TGM5: variants seen among roughly 807,000 people sequenced by gnomAD.
TGM5 encodes the protein transglutaminase 5, also known as protein-glutamine gamma-glutamyltransferase 5.
TGM5 carries 69 observed loss-of-function variants against 77.2 expected under a neutral mutation model. The ratio of observed to expected loss-of-function variants is 0.89; its 90% CI spans 0.74 to 1.09. The LOEUF (loss-of-function observed/expected upper bound fraction) is 1.09. Among genes scored for constraint, TGM5 ranks in the 50% least tolerant of loss-of-function variants. The probability of loss-of-function intolerance (pLI) is 0.00; values close to 1 mark genes in which losing one functional copy is unlikely to be tolerated. For synonymous variants in TGM5, 346 were observed against 351.8 expected (o/e 0.98, Z 0.18); for missense variants, 842 against 896.5 (o/e 0.94, Z 0.78).
chr15:43,237,841 C>T (rs1566828546), intron 9 of TGM5, among the ~76,000 whole-genome samples: 1 of 152,258 alleles, frequency 6.6e-6, no homozygotes, highest in Non-Finnish European at 1.5e-5. Context: ...CACTTCCTTC[C>T]CTTCCCTGTC....
At chr15:43,250,531 G>A (rs2042696946) in intron 6 of TGM5, among the ~76,000 whole-genome samples, 1 of 152,138 alleles carries the variant, frequency 6.6e-6, no homozygotes, top group South Asian at 2.1e-4. Flanking sequence ...CACAAAGGAA[G>A]TCCCCAATAA....
intron 6 of TGM5, among the ~76,000 whole-genome samples, chr15:43,249,518 C>T (rs1329709123): frequency 6.6e-6 from 1 of 152,186 alleles, no homozygotes; most frequent in Admixed American, 6.5e-5. Context: ...TGAAATTATA[C>T]ACTATGTGGC....
chr15:43,250,278 C>T (rs941507242), intron 6 of TGM5, among the ~76,000 whole-genome samples: 2 of 152,184 alleles, frequency 1.3e-5, no homozygotes, highest in East Asian at 3.8e-4. Flanking sequence ...TCACTATAGC[C>T]AGGCACTATT....
At chr15:43,264,436 A>G (rs2042811413) in intron 1 of TGM5, among the ~76,000 whole-genome samples, 1 of 152,214 alleles carries the variant, frequency 6.6e-6, no homozygotes, top group African/African-American at 2.4e-5. Flanking sequence ...TCATCCAGCT[A>G]TAAAAAAAAA....
chr15:43,248,405 C>T (rs1169207886), intron 6 of TGM5, among the ~76,000 whole-genome samples: 5 of 152,172 alleles, frequency 3.3e-5, no homozygotes, highest in Admixed American at 1.3e-4. Flanking sequence ...ATCTCCTGAC[C>T]TGGTGATTCC....
chr15:43,237,816 A>G (rs953125859), intron 9 of TGM5, among the ~76,000 whole-genome samples: 1 of 152,216 alleles, frequency 6.6e-6, no homozygotes, highest in Non-Finnish European at 1.5e-5. Context: ...AGGCTTGAAA[A>G]TGTACTCTTA....
chr15:43,254,704 C>T (rs2142375651), intron 4 of TGM5, among the ~76,000 whole-genome samples: 1 of 152,272 alleles, frequency 6.6e-6, no homozygotes, highest in South Asian at 2.1e-4. Flanking sequence ...GCGGGCCAAA[C>T]CGTTTCCCAC....
At chr15:43,250,335 A>T (rs1188563402) in intron 6 of TGM5, among the ~76,000 whole-genome samples, 1 of 152,180 alleles carries the variant, frequency 6.6e-6, no homozygotes, top group Non-Finnish European at 1.5e-5. Context: ...CAATAATCCT[A>T]TGAGGTAGGT....
chr15:43,254,710 C>T (rs1472377293), intron 4 of TGM5, among the ~76,000 whole-genome samples: 1 of 152,128 alleles, frequency 6.6e-6, no homozygotes, highest in East Asian at 1.9e-4. Context: ...CAAACCGTTT[C>T]CCACCCTCGT....
At chr15:43,246,475 T>C (rs934672001) in intron 6 of TGM5, among the ~76,000 whole-genome samples, 1 of 152,208 alleles carries the variant, frequency 6.6e-6, no homozygotes, top group Admixed American at 6.5e-5. Context: ...AGCACTACTT[T>C]TGTTGTCTTC....
intron 6 of TGM5, among the ~76,000 whole-genome samples, chr15:43,243,642 C>G (rs1032543596): frequency 2.0e-5 from 3 of 152,220 alleles, no homozygotes; most frequent in Non-Finnish European, 4.4e-5. Context: ...AGAGCTCTGT[C>G]CTTCTGGTTC....
At chr15:43,245,834 T>C (rs1349544518) in intron 6 of TGM5, among the ~76,000 whole-genome samples, 1 of 148,962 alleles carries the variant, frequency 6.7e-6, no homozygotes, top group Admixed American at 6.8e-5. Context: ...GCAGTTGCCA[T>C]GGAGCTGTGA....
intron 3 of TGM5, among the ~76,000 whole-genome samples, chr15:43,258,971 G>A (rs1290872732): frequency 3.8e-4 from 58 of 152,282 alleles, no homozygotes; most frequent in Non-Finnish European, 1.9e-4. Flanking sequence ...TCAGCCATTC[G>A]GGGACAGGGA....
chr15:43,235,917 A>G, intron 9 of TGM5, 80 bp from the exon 10 acceptor site: 1 of 1,587,420 alleles, frequency 6.3e-7, no homozygotes, highest in Non-Finnish European at 8.6e-7. Flanking sequence ...TCCCCCACCC[A>G]ATATCTCCAC....
Position 43,235,690 on chromosome 15 carries a change from G to C in TGM5, c.1493C>G (p.Ser498Cys). 6.2e-7 allele frequency: 1 copy of C among 1,614,216 alleles called. No homozygotes were observed. Among genetic ancestry groups the C allele is most frequent in the South Asian group, 1.1e-5 (1 of 91,086 alleles). ...QDSPRSLHTPSLRPSDVVQVS... is the reference protein window; with the variant it reads ...QDSPRSLHTPCLRPSDVVQVS... ...TTGCACCACATCACTGGGTCGAAGG[G>C]AAGGTGTATGCAGGCTCCGAGGGCT... The change falls in exon 10 of 13, where the codon TCC becomes TGC. Residue 498 changes from serine (S) to cysteine (C), a missense_variant. Coordinates refer to ENST00000220420, the MANE Select transcript of TGM5 (RefSeq NM_201631.4).
chr15:43,233,768 G>A, intron 11 of TGM5, 81 bp from the exon 12 acceptor site: 2 of 1,559,080 alleles, frequency 1.3e-6, no homozygotes. Context: ...CATTCTGTAA[G>A]GTGGCAGGAT....
intron 6 of TGM5, among the ~76,000 whole-genome samples, chr15:43,245,052 C>T (rs928206730): frequency 3.3e-5 from 5 of 151,914 alleles, no homozygotes; most frequent in Admixed American, 6.6e-5. Context: ...CTGGGTGCTC[C>T]AGCCTGGGTG....
chr15:43,257,325 C>T (rs536713060), intron 3 of TGM5, among the ~76,000 whole-genome samples: 5 of 152,282 alleles, frequency 3.3e-5, no homozygotes, highest in African/African-American at 7.2e-5. Flanking sequence ...GCAGCAAAAT[C>T]GTGTACATGG....
intron 6 of TGM5, among the ~76,000 whole-genome samples, chr15:43,248,488 A>G (rs2042683496): frequency 6.6e-6 from 1 of 152,178 alleles, no homozygotes; most frequent in South Asian, 2.1e-4. Flanking sequence ...ACTTTTGAAT[A>G]AGACCCAGCC....
Sources: allele counts gnomAD v4.1 joint callset (sites outside exome capture counted in the v4.1 genomes callset), GRCh38; gene constraint gnomAD v4.1.1; transcripts MANE v1.5; gene names NCBI Gene and HGNC (gene_info 2026-07-23, HGNC 2026-07-21).